Variants in FBXO31 observed in about 807,000 individuals in gnomAD.
The protein encoded by FBXO31 is F-box protein 31.
Under a neutral mutation model 54.4 loss-of-function variants are expected in FBXO31, and 24 were observed. That is an observed-to-expected ratio of 0.44 (90% CI 0.32 to 0.62). The LOEUF is 0.62. FBXO31 is among the 20% of genes least tolerant of loss of function. The pLI, the probability that FBXO31 is intolerant of heterozygous loss-of-function variation, is 0.05. For missense variants in FBXO31, 665 were observed against 787.1 expected (o/e 0.84, Z 1.86); for synonymous variants, 388 against 335.6 (o/e 1.16, Z -1.71).
At chr16:87,347,028 A>C in intron 3 of FBXO31, 146 bp downstream of exon 3, 1 of 746,594 alleles carries the variant, frequency 1.3e-6, no homozygotes, top group Non-Finnish European at 2.4e-6. Context: ...GCTCCTGAAA[A>C]GTGACAGAGC....
chr16:87,383,339 G>C lies in FBXO31; in HGVS notation c.340+66C>G. The stretch of plus-strand genomic sequence containing the variant: ...GGGGCCACCGCCCCCGCCACTCCCA[G>C]CTCCGAGGCCTCCACCTGGCAGGGA... On this transcript the variant is annotated intron_variant, in intron 1 of 8. Coordinates refer to ENST00000311635, the MANE Select transcript of FBXO31 (RefSeq NM_024735.5). This position sits in a 1 kb window ranked among gnomAD's most constrained non-coding sequence, Gnocchi z 4.9. 19 of 1,362,432 alleles carry C rather than the reference G, an allele frequency of 1.4e-5. No homozygotes were observed. In the South Asian group the frequency reaches 2.1e-4, roughly 15 times the overall value. The allele number at this position is 1,362,432 out of a possible 1,614,324, so 84.4% of individuals were successfully genotyped here.
intron 8 of FBXO31, 118 bp from the exon 9 acceptor site, chr16:87,331,628 C>G: frequency 1.2e-6 from 1 of 866,100 alleles, no homozygotes; most frequent in Non-Finnish European, 1.7e-6. Flanking sequence ...TGTTCATCAG[C>G]CAGAAGCTGA....
intron 1 of FBXO31, among the ~76,000 whole-genome samples, chr16:87,363,492 G>C (rs144983586): frequency 6.6e-6 from 1 of 152,244 alleles, no homozygotes; most frequent in African/African-American, 2.4e-5. Context: ...TGCCAAGGAG[G>C]ACCAAGGACT....
intron 1 of FBXO31, among the ~76,000 whole-genome samples, chr16:87,365,118 C>A (rs1460808668): frequency 1.4e-5 from 2 of 143,180 alleles, no homozygotes; most frequent in African/African-American, 5.2e-5. Flanking sequence ...AAGAGAAAAC[C>A]AATTTGCTTT....
intron 1 of FBXO31, among the ~76,000 whole-genome samples, chr16:87,371,873 G>A (rs1906616951): frequency 6.6e-6 from 1 of 152,058 alleles, no homozygotes; most frequent in Non-Finnish European, 1.5e-5. Flanking sequence ...CCTTCCGGGT[G>A]CCAGATTCAC....
At chr16:87,357,045 A>G (rs1381914377) in intron 2 of FBXO31, among the ~76,000 whole-genome samples, 4 of 152,138 alleles carry the variant, frequency 2.6e-5, no homozygotes, top group Non-Finnish European at 5.9e-5. Context: ...CAAGAGTACA[A>G]GACCAGCCTG....
At chr16:87,384,041 A>C (rs1171234447), upstream of FBXO31, 2 of 182,292 alleles carry the variant, frequency 1.1e-5, no homozygotes, top group Admixed American at 6.2e-5. Context: ...TGAGGCTCGA[A>C]CTCACGACCT....
intron 1 of FBXO31, among the ~76,000 whole-genome samples, chr16:87,372,104 G>A (rs974180118): frequency 9.9e-5 from 15 of 152,140 alleles, no homozygotes; most frequent in South Asian, 2.1e-4. Context: ...CATGCATGTA[G>A]TCCTAGCTAC....
At position 87,331,210 on chromosome 16, in the gene FBXO31, G is replaced by A. The variant is rs546513283; in HGVS notation, c.*78C>T. On this transcript the variant is annotated 3_prime_UTR_variant, in exon 9 of 9. Transcript: ENST00000311635. ...CTGGTCAAAAGGCCGGATTTCCAAAGTGCATGCTGCTTCTATTCACAGGTC... is the reference window on the plus strand; with the variant it reads ...CTGGTCAAAAGGCCGGATTTCCAAAATGCATGCTGCTTCTATTCACAGGTC... 3.6e-4 allele frequency: 525 copies of A among 1,453,876 alleles called. 1 individual carries two copies. In the African/African-American group the frequency reaches 6.8e-3, roughly 19 times the overall value. 90.1% of individuals were successfully genotyped at this position (1,453,876 alleles called of 1,614,324 possible). A position where few individuals can be genotyped will look rare whatever the true frequency, so the allele number is the denominator to read the frequency against.
At chr16:87,373,382 G>A (rs1398780064) in intron 1 of FBXO31, among the ~76,000 whole-genome samples, 3 of 152,118 alleles carry the variant, frequency 2.0e-5, no homozygotes, top group Non-Finnish European at 4.4e-5. Flanking sequence ...AACCCAGGAG[G>A]TGGAGCTTGC....
At chr16:87,373,482 C>T (rs1906689336) in intron 1 of FBXO31, among the ~76,000 whole-genome samples, 1 of 151,810 alleles carries the variant, frequency 6.6e-6, no homozygotes, top group South Asian at 2.1e-4. Context: ...TACATATATA[C>T]ACACACATAC....
At chr16:87,342,490 C>A in intron 5 of FBXO31, among the ~76,000 whole-genome samples, 1 of 152,228 alleles carries the variant, frequency 6.6e-6, no homozygotes, top group East Asian at 1.9e-4. Flanking sequence ...AGCCTCCACA[C>A]GGTCTGCTCA....
chr16:87,335,286 A>C lies in FBXO31; in HGVS notation c.996+18T>G. The C allele has an allele frequency of 6.2e-7, 1 of 1,612,232 alleles. No individual in the cohort carries two copies. Among genetic ancestry groups the C allele is most frequent in the Non-Finnish European group, 8.5e-7 (1 of 1,179,900 alleles). ...AGGTGCCCCCAGAGCCCCACCAACC[A>C]GGTCAGCCGCCACTCACCGTGATCT... On this transcript the variant is annotated intron_variant, in intron 7 of 8. Coordinates refer to ENST00000311635, the MANE Select transcript of FBXO31 (RefSeq NM_024735.5). This position sits in a 1 kb window ranked among gnomAD's most constrained non-coding sequence, Gnocchi z 5.7.
intron 5 of FBXO31, among the ~76,000 whole-genome samples, chr16:87,337,647 G>A (rs944400407): frequency 9.2e-5 from 14 of 152,174 alleles, no homozygotes; most frequent in African/African-American, 2.9e-4. Context: ...TGCAGCGGAG[G>A]TGCCCACACC....
At position 87,344,906 on chromosome 16, in the gene FBXO31, C is replaced by A. The variant is rs377439059; in HGVS notation, c.490-1141G>T. 4.6e-5 allele frequency among the ~76,000 whole-genome samples: 7 copies of A among 151,552 alleles called. No homozygotes were observed. In the South Asian group the frequency reaches 1.5e-3, roughly 32 times the overall value. Reference sequence around the variant, plus strand: ...AACCCCACCTCCGGCAGCGCCCATCCCTTCCCCAAACCCCACCTGGGGGCA... The same window carrying A: ...AACCCCACCTCCGGCAGCGCCCATCACTTCCCCAAACCCCACCTGGGGGCA... On this transcript the variant is annotated intron_variant, in intron 3 of 8. Transcript: ENST00000311635.
chr16:87,391,197 C>G (rs1201556806), upstream of FBXO31, among the ~76,000 whole-genome samples: 1 of 152,118 alleles, frequency 6.6e-6, no homozygotes, highest in Non-Finnish European at 1.5e-5. Flanking sequence ...CTCCCAGCTT[C>G]TCGGGAGGCT....
intron 1 of FBXO31, 136 bp from the exon 2 acceptor site, chr16:87,360,502 G>A: frequency 2.9e-6 from 2 of 693,254 alleles, no homozygotes; most frequent in South Asian, 1.6e-5. Context: ...TGTCACTGTG[G>A]AGATTTCACT....
intron 2 of FBXO31, among the ~76,000 whole-genome samples, chr16:87,357,329 T>TC (rs988821924): frequency 1.7e-5 from 2 of 118,236 alleles, no homozygotes; most frequent in Non-Finnish European, 3.7e-5. Flanking sequence ...ATTCGGTTCT[T>TC]TTTTTTTTTT....
In FBXO31 at chr16:87,336,752, G is replaced by A. The variant is rs1213978796; in HGVS notation, c.733-488C>T. ...GCCAAGGACGATGCACTGAGCCCTCGGCCAGTGACTGGGTGGATTTTCCTT... is the reference window on the plus strand; with the variant it reads ...GCCAAGGACGATGCACTGAGCCCTCAGCCAGTGACTGGGTGGATTTTCCTT... On this transcript the variant is annotated intron_variant, in intron 5 of 8. Transcript: ENST00000311635. The surrounding 1 kb of genome is among the most constrained non-coding windows in gnomAD (Gnocchi z 6.5). Among the ~76,000 whole-genome samples, 3 of 152,148 alleles carry A rather than the reference G, an allele frequency of 2.0e-5. No homozygotes were observed. The highest frequency in any genetic ancestry group is 2.9e-5 in the Non-Finnish European group (2 of 68,030).
Sources: gnomAD v4.1 joint callset for allele counts (sites outside exome capture counted in the v4.1 genomes callset) on GRCh38, gnomAD v4.1.1 for gene constraint, Gnocchi (gnomAD v3.1) non-coding constraint, MANE v1.5 for transcripts, NCBI Gene and HGNC (gene_info 2026-07-23, HGNC 2026-07-21) for gene names.